GRAMD2B: variants seen among roughly 807,000 people sequenced by gnomAD.
GRAMD2B encodes GRAM domain containing 2B.
In GRAMD2B, 41 loss-of-function variants were observed where a neutral mutation model predicts 59.2. That is an observed-to-expected ratio of 0.69 (90% confidence interval 0.54 to 0.90). The LOEUF is 0.90. Ranked by LOEUF, GRAMD2B falls within the 40% of genes least tolerant of loss-of-function variation. GRAMD2B has a pLI of 0.00. For synonymous variants in GRAMD2B, 161 were observed against 182.7 expected (o/e 0.88, Z 0.96); for missense variants, 424 against 500.5 (o/e 0.85, Z 1.46).
chr5:126,370,630 G>C (rs1212678953), upstream of GRAMD2B, among the ~76,000 whole-genome samples: 1 of 152,126 alleles, frequency 6.6e-6, no homozygotes, highest in Non-Finnish European at 1.5e-5. Context: ...AATCTCTACT[G>C]CATATTCTCC....
rs534120000 is a variant in GRAMD2B, at chr5:126,410,638, CTGTTT to C, written c.125+39073_125+39077del. On this transcript the variant is annotated intron_variant, in intron 1 of 8. Coordinates refer to the GRAMD2B transcript ENST00000506445. ...TATACAATCATGTTATCTGGTAGTT[CTGTTT>C]TAAGTTCTTTGAAAAGTCTCCAAAC... is the stretch of plus-strand genomic sequence containing the variant. Among the ~76,000 whole-genome samples the C allele has an allele frequency of 3.4e-4, 51 of 151,932 alleles. No homozygotes were observed. In the South Asian group the frequency reaches 0.01, roughly 31 times the overall value.
chr5:126,493,235 C>A lies in GRAMD2B; in HGVS notation c.*279C>A. 1 of 446,896 alleles carries A rather than the reference C, an allele frequency of 2.2e-6. No homozygotes were observed. The highest frequency in any genetic ancestry group is 6.4e-4 in the Middle Eastern group (1 of 1,560). The allele number at this position is 446,896 out of a possible 1,614,324, so 27.7% of individuals were successfully genotyped here. On this transcript the variant is annotated 3_prime_UTR_variant, in exon 14 of 14. Coordinates refer to ENST00000285689, the MANE Select transcript of GRAMD2B (RefSeq NM_023927.4). ...GAGGTCTCAGGAAGGGCCCAGCGAA[C>A]ACACTCTCTTGGATAATTACCACGA... is the stretch of plus-strand genomic sequence containing the variant.
intron 1 of GRAMD2B, among the ~76,000 whole-genome samples, chr5:126,405,753 T>C (rs1758211874): frequency 6.6e-6 from 1 of 151,802 alleles, no homozygotes; most frequent in South Asian, 2.1e-4. Flanking sequence ...AAAACACCGT[T>C]TGCTTTTCTT....
chr5:126,487,181 A>G (rs538712047), intron 12 of GRAMD2B, among the ~76,000 whole-genome samples: 6 of 152,206 alleles, frequency 3.9e-5, no homozygotes, highest in African/African-American at 1.2e-4. Flanking sequence ...AGTTGTGGTA[A>G]TGTTGCTAGT....
intron 6 of GRAMD2B, among the ~76,000 whole-genome samples, chr5:126,479,174 A>G (rs1034854436): frequency 6.6e-6 from 1 of 152,138 alleles, no homozygotes; most frequent in Non-Finnish European, 1.5e-5. Flanking sequence ...TCTACATTCT[A>G]TAGATTTCAT....
chr5:126,372,482 T>C (rs1368403588), intron 1 of GRAMD2B, among the ~76,000 whole-genome samples: 2 of 152,126 alleles, frequency 1.3e-5, no homozygotes, highest in Non-Finnish European at 2.9e-5. Flanking sequence ...AAAAATTTAA[T>C]AGAAAACAAA....
rs570099986 is a variant in GRAMD2B at position 126,423,439 on chromosome 5, G to C, written c.-168G>C. ...CGCCCGCTCCGACGTGTCCAGGTCC[G>C]CGGCCCCGGGAGCTTGGCGCGGCCC... On this transcript the variant is annotated 5_prime_UTR_variant, in exon 1 of 14. Transcript: ENST00000285689. 285 of 1,406,332 alleles carry C rather than the reference G, an allele frequency of 2.0e-4. No homozygotes were observed. In the African/African-American group the frequency reaches 4.1e-3, roughly 20 times the overall value. 87.1% of individuals were successfully genotyped at this position (1,406,332 alleles called of 1,614,324 possible). A position where few individuals can be genotyped will look rare whatever the true frequency, so the allele number is the denominator to read the frequency against.
chr5:126,361,945 A>G (rs865856756), intron 1 of GRAMD2B, among the ~76,000 whole-genome samples: 42 of 152,146 alleles, frequency 2.8e-4, no homozygotes, highest in African/African-American at 1.0e-3. Flanking sequence ...AAATCAGTGT[A>G]ATACCTACCT....
At chr5:126,382,764 T>G (rs72782468) in intron 1 of GRAMD2B, among the ~76,000 whole-genome samples, 19,430 of 152,098 alleles carry the variant, frequency 0.13, 1,404 homozygotes, top group East Asian at 0.22. Context: ...TGTTAAAAAA[T>G]CTTGTTTTGT....
intron 1 of GRAMD2B, among the ~76,000 whole-genome samples, chr5:126,407,916 T>A (rs1758398277): frequency 6.6e-6 from 1 of 152,048 alleles, no homozygotes; most frequent in Non-Finnish European, 1.5e-5. Flanking sequence ...TCTATATTAT[T>A]TTTGTGTTGT....
chr5:126,366,105 T>C (rs898106898), intron 1 of GRAMD2B, among the ~76,000 whole-genome samples: 1 of 152,192 alleles, frequency 6.6e-6, no homozygotes, highest in African/African-American at 2.4e-5. Flanking sequence ...GGATAACATA[T>C]ATCCTTTCTC....
chr5:126,370,746 A>G (rs118094767), upstream of GRAMD2B, among the ~76,000 whole-genome samples: 1 of 152,064 alleles, frequency 6.6e-6, no homozygotes, highest in East Asian at 1.9e-4. Context: ...ACACATTCGA[A>G]CTCTCGCTTC....
intron 1 of GRAMD2B, among the ~76,000 whole-genome samples, chr5:126,444,410 T>G (rs1413823450): frequency 2.0e-5 from 3 of 152,224 alleles, no homozygotes; most frequent in Non-Finnish European, 4.4e-5. Context: ...GTAAAAGCCA[T>G]TTTTTATGAA....
chr5:126,477,675 T>A lies in GRAMD2B; in HGVS notation c.487-17T>A, dbSNP rs1422047226. 7.0e-7 allele frequency: 1 copy of A among 1,420,536 alleles called. No individual in the cohort carries two copies. Among genetic ancestry groups the A allele is most frequent in the Non-Finnish European group, 1.0e-6 (1 of 1,003,402 alleles). 88.0% of individuals were successfully genotyped at this position (1,420,536 alleles called of 1,614,324 possible). On this transcript the variant is annotated splice_polypyrimidine_tract_variant and intron_variant, in intron 5 of 13. Transcript: ENST00000285689. Reference sequence around the variant, plus strand: ...TGTCAAGTCTGAACTGGCATTAACTTGCTGATTCTGTTTCAGATCTCTATT... The same window carrying A: ...TGTCAAGTCTGAACTGGCATTAACTAGCTGATTCTGTTTCAGATCTCTATT...
chr5:126,457,191 CAAAAAAAAAAAAAA>C (rs559904336), intron 1 of GRAMD2B, among the ~76,000 whole-genome samples: 30 of 63,964 alleles, frequency 4.7e-4, no homozygotes, highest in Non-Finnish European at 7.5e-4. Flanking sequence ...GACTCCGTCT[CAAAAAAAAAAAAAA>C]AAAAAAAAAA....
intron 1 of GRAMD2B, among the ~76,000 whole-genome samples, chr5:126,390,621 C>T (rs1411893641): frequency 2.0e-5 from 3 of 152,082 alleles, no homozygotes; most frequent in African/African-American, 4.8e-5. Flanking sequence ...GTTATATAAC[C>T]GTAAGTAAAG....
chr5:126,409,412 T>C (rs1758559640), intron 1 of GRAMD2B, among the ~76,000 whole-genome samples: 4 of 152,230 alleles, frequency 2.6e-5, no homozygotes, highest in Non-Finnish European at 4.4e-5. Context: ...TCACTGTGGT[T>C]TTGATTTGCA....
At chr5:126,373,897 G>T (rs1754968694) in intron 1 of GRAMD2B, among the ~76,000 whole-genome samples, 1 of 152,182 alleles carries the variant, frequency 6.6e-6, no homozygotes, top group African/African-American at 2.4e-5. Context: ...GAGATAAACA[G>T]ATGATAAGGG....
chr5:126,456,713 C>T (rs1303288421), intron 1 of GRAMD2B, among the ~76,000 whole-genome samples: 2 of 152,186 alleles, frequency 1.3e-5, no homozygotes, highest in Admixed American at 6.5e-5. Flanking sequence ...TTCCTATTTT[C>T]ATGCATTTGT....
Sources: gnomAD v4.1 joint callset for allele counts (sites outside exome capture counted in the v4.1 genomes callset) on GRCh38, gnomAD v4.1.1 for gene constraint, MANE v1.5 for transcripts, NCBI Gene and HGNC (gene_info 2026-07-23, HGNC 2026-07-21) for gene names.